XAF1: variants seen among roughly 807,000 people sequenced by gnomAD.
The protein encoded by XAF1 is XIAP associated factor 1, also known as XIAP-associated factor 1.
A neutral mutation model predicts 32.3 loss-of-function variants in XAF1; 32 were observed. That is an observed-to-expected ratio of 0.99 (90% confidence interval 0.75 to 1.33). The LOEUF (loss-of-function observed/expected upper bound fraction) is 1.33, where lower values mean the gene tolerates loss of function less well. Among genes scored for constraint, XAF1 ranks in the 40% most tolerant of loss-of-function variants. The pLI, the probability that XAF1 is intolerant of heterozygous loss-of-function variation, is 0.00. For missense variants in XAF1, 379 were observed against 366.0 expected, an observed-to-expected ratio of 1.04 and a Z score of -0.29; for synonymous variants, 120 against 125.9, an observed-to-expected ratio of 0.95 and a Z score of 0.31.
rs918835442 is a variant in XAF1 at position 6,773,712 on chromosome 17, A to T, written c.*543A>T. ...AACAACTTCAGCTAACTTTCAGGAG[A>T]CAAAATCAATATACAAAATATGGTA... is the stretch of plus-strand genomic sequence containing the variant. On this transcript the variant is annotated 3_prime_UTR_variant, in exon 7 of 7. Transcript: ENST00000361842. 2 of 152,266 alleles carry T rather than the reference A, an allele frequency of 1.3e-5. No individual in the cohort carries two copies. Among genetic ancestry groups the T allele is most frequent in the African/African-American group, 2.4e-5 (1 of 41,470 alleles). 9.4% of individuals were successfully genotyped at this position (152,266 alleles called of 1,614,324 possible).
chr17:6,773,485 A>G lies in XAF1; in HGVS notation c.*316A>G, dbSNP rs116781794. The G allele has an allele frequency of 2.5e-3, 687 of 274,152 alleles. 3 individuals are homozygous for G. The highest frequency in any genetic ancestry group is 0.014 in the African/African-American group (613 of 43,732). The allele number at this position is 274,152 out of a possible 1,614,324, so 17.0% of individuals were successfully genotyped here. On this transcript the variant is annotated 3_prime_UTR_variant, in exon 7 of 7. Coordinates refer to ENST00000361842, the MANE Select transcript of XAF1 (RefSeq NM_017523.5). ...ATCATACTGAATGAGCAAAAGCTGG[A>G]GCATTACTCTTGAGAAGTAGAACAA... is the stretch of plus-strand genomic sequence containing the variant.
chr17:6,771,116 G>T, intron 6 of XAF1, 132 bp downstream of exon 6: 1 of 944,286 alleles, frequency 1.1e-6, no homozygotes, highest in Non-Finnish European at 1.6e-6. Context: ...CCACTTCTCT[G>T]GGTGCCCAAA....
upstream of XAF1, chr17:6,756,037 G>A: frequency 6.2e-7 from 1 of 1,613,606 alleles, no homozygotes; most frequent in Non-Finnish European, 8.5e-7. Flanking sequence ...TTCCTTGCCT[G>A]CAAGAAACGA....
At chr17:6,759,355 A>G (rs1974987214) in intron 2 of XAF1, 3 of 1,341,898 alleles carry the variant, frequency 2.2e-6, no homozygotes, top group African/African-American at 2.9e-5. Context: ...AAGGTCCTGG[A>G]AGGCAGTCAG....
chr17:6,770,983 A>T lies in XAF1; in HGVS notation c.848A>T (p.Gln283Leu). ...CCCCTGCCGATCCTAAATCAACATCAGGTACTCAGCCTCTGTTCTCTGCTT... is the reference window on the plus strand; with the variant it reads ...CCCCTGCCGATCCTAAATCAACATCTGGTACTCAGCCTCTGTTCTCTGCTT... ...LLPLPILNQH[Q>L]EKCRWLASSK... The change falls in exon 6 of 7, where the codon CAG becomes CTG. Residue 283 changes from glutamine to leucine, a missense_variant and splice_region_variant. By Grantham distance (113) the Gln-to-Leu change is moderately radical (BLOSUM62 -2). Transcript: ENST00000361842. The T allele has an allele frequency of 6.2e-7, 1 of 1,614,048 alleles. No homozygotes were observed. The highest frequency in any genetic ancestry group is 1.1e-5 in the South Asian group (1 of 91,062).
At chr17:6,756,527 G>A (rs1001864015) in intron 1 of XAF1, among the ~76,000 whole-genome samples, 3 of 151,804 alleles carry the variant, frequency 2.0e-5, no homozygotes, top group East Asian at 1.9e-4. Context: ...AAAGGGAGCC[G>A]TGGGGCGGGG....
rs895839234 is a variant in XAF1, at chr17:6,774,626, C to G, written c.*1457C>G. The G allele has an allele frequency of 1.3e-5, 2 of 151,982 alleles. No homozygotes were observed. Among genetic ancestry groups the G allele is most frequent in the African/African-American group, 4.8e-5 (2 of 41,362 alleles). 9.4% of individuals were successfully genotyped at this position (151,982 alleles called of 1,614,324 possible). A position where few individuals can be genotyped will look rare whatever the true frequency, so the allele number is the denominator to read the frequency against. The stretch of plus-strand genomic sequence containing the variant: ...AGCAATCCCATTATTGGTTATATAC[C>G]CAAAGGAATCTAAATCATTCTGTCA... On this transcript the variant is annotated 3_prime_UTR_variant, in exon 7 of 7. Coordinates refer to ENST00000361842, the MANE Select transcript of XAF1 (RefSeq NM_017523.5).
Position 6,759,440 on chromosome 17 carries a change from G to A in XAF1, c.169-222G>A, listed in dbSNP as rs183009393. The stretch of plus-strand genomic sequence containing the variant: ...GATCTGTCTCTCTGGAGATACTCAA[G>A]CTCAGGCAGCCGTTGCCAACTCAGA... On this transcript the variant is annotated intron_variant, in intron 2 of 6. Coordinates refer to ENST00000361842, the MANE Select transcript of XAF1 (RefSeq NM_017523.5). The A allele has an allele frequency of 2.4e-5, 34 of 1,418,968 alleles. No individual in the cohort carries two copies. In the East Asian group the frequency reaches 6.1e-4, roughly 25 times the overall value. The allele number at this position is 1,418,968 out of a possible 1,614,324, so 87.9% of individuals were successfully genotyped here. A position where few individuals can be genotyped will look rare whatever the true frequency, so the allele number is the denominator to read the frequency against.
At chr17:6,758,808 T>A in intron 2 of XAF1, 1 of 242,802 alleles carries the variant, frequency 4.1e-6, no homozygotes, top group Non-Finnish European at 8.2e-6. Flanking sequence ...TGTTCAGTCC[T>A]CCCTGCAGGT....
chr17:6,757,544 G>A (rs1189243744), intron 1 of XAF1: 2 of 131,562 alleles, frequency 1.5e-5, no homozygotes, highest in African/African-American at 5.8e-5. Flanking sequence ...TAACACTGTG[G>A]ACCAAACAGG....
intron 2 of XAF1, 146 bp downstream of exon 2, chr17:6,758,370 T>A: frequency 8.3e-7 from 1 of 1,198,820 alleles, no homozygotes; most frequent in Non-Finnish European, 1.2e-6. Context: ...AGGCAAGTGT[T>A]CAGTCCTCTC....
chr17:6,757,990 A>T, intron 1 of XAF1, 99 bp from the exon 2 acceptor site: 2 of 1,530,216 alleles, frequency 1.3e-6, no homozygotes, highest in Non-Finnish European at 1.8e-6. Context: ...TTCAGTGCTT[A>T]AGGCCTCTGG....
At position 6,774,813 on chromosome 17, in the gene XAF1, G is replaced by C. The variant is rs751288124; in HGVS notation, c.*1644G>C. On this transcript the variant is annotated 3_prime_UTR_variant, in exon 7 of 7. Coordinates refer to ENST00000361842, the MANE Select transcript of XAF1 (RefSeq NM_017523.5). ...CCCAGCACTTTGGGAGGCTGAGGCG[G>C]GTGGTTCACCTGAGGTCAGGAGTTT... The C allele has an allele frequency of 6.6e-6, 1 of 152,186 alleles. No individual in the cohort carries two copies. The highest frequency in any genetic ancestry group is 1.5e-5 in the Non-Finnish European group (1 of 68,052). The allele number at this position is 152,186 out of a possible 1,614,324, so 9.4% of individuals were successfully genotyped here.
At position 6,773,799 on chromosome 17, in the gene XAF1, C is replaced by A. The variant is rs749928053; in HGVS notation, c.*630C>A. ...CAAATCAAGAATGCAATCCTATTCA[C>A]AATTGCCACAAAAAGAATAAAATAC... is the stretch of plus-strand genomic sequence containing the variant. On this transcript the variant is annotated 3_prime_UTR_variant, in exon 7 of 7. Coordinates refer to ENST00000361842, the MANE Select transcript of XAF1 (RefSeq NM_017523.5). 9 of 152,090 alleles carry A rather than the reference C, an allele frequency of 5.9e-5. No homozygotes were observed. The highest frequency in any genetic ancestry group is 1.2e-4 in the African/African-American group (5 of 41,398). The allele number at this position is 152,090 out of a possible 1,614,324, so 9.4% of individuals were successfully genotyped here.
intron 4 of XAF1, chr17:6,761,923 G>A (rs528386084): frequency 1.3e-5 from 19 of 1,506,092 alleles, no homozygotes; most frequent in Middle Eastern, 1.7e-4. Context: ...TCTCCATTAC[G>A]GTTGCTGCTG....
At chr17:6,755,719 T>A, upstream of XAF1, 1 of 1,064,592 alleles carries the variant, frequency 9.4e-7, no homozygotes, top group South Asian at 3.3e-5. Context: ...GGGTGGGAGG[T>A]GGATGGTTTG....
At chr17:6,756,284 T>A in intron 1 of XAF1, 174 bp downstream of exon 1, 1 of 845,826 alleles carries the variant, frequency 1.2e-6, no homozygotes, top group South Asian at 2.2e-5. Context: ...TGGTAATCTC[T>A]GGGTGGGGGT....
chr17:6,758,068 C>A (rs755808209), intron 1 of XAF1, 21 bp from the exon 2 acceptor site: 1 of 1,613,992 alleles, frequency 6.2e-7, no homozygotes, highest in Non-Finnish European at 8.5e-7. Flanking sequence ...ATTTTTCTAT[C>A]CCCACACCTT....
chr17:6,756,869 TG>T (rs1347396591), intron 1 of XAF1, among the ~76,000 whole-genome samples: 2 of 152,100 alleles, frequency 1.3e-5, no homozygotes, highest in African/African-American at 4.8e-5. Flanking sequence ...GCCAGGAACA[TG>T]GGCATGTAAC....
Sources: gnomAD v4.1 joint callset for allele counts (sites outside exome capture counted in the v4.1 genomes callset) on GRCh38, gnomAD v4.1.1 for gene constraint, MANE v1.5 for transcripts, NCBI Gene and HGNC (gene_info 2026-07-23, HGNC 2026-07-21) for gene names.